The following HTR4 variants were observed in gnomAD, a reference collection of about 807,000 sequenced individuals.
HTR4 encodes 5-hydroxytryptamine (serotonin) receptor 4, G protein-coupled.
Under a neutral mutation model 36.8 loss-of-function variants are expected in HTR4, and 16 were observed. The observed-to-expected ratio is 0.43, with a 90% confidence interval of 0.29 to 0.66. The LOEUF is 0.66. HTR4 is among the 30% of genes least tolerant of loss of function. The pLI is 0.13. For missense variants in HTR4, 438 were observed against 490.9 expected (o/e 0.89, Z 1.02); for synonymous variants, 189 against 185.1 (o/e 1.02, Z -0.17).
chr5:148,595,203 C>A (rs1041436874), intron 2 of HTR4, among the ~76,000 whole-genome samples: 3 of 151,972 alleles, frequency 2.0e-5, no homozygotes, highest in Non-Finnish European at 2.9e-5. Flanking sequence ...GGATATTAGG[C>A]AGTTCTAGAA....
chr5:148,529,139 C>A (rs187493915), intron 4 of HTR4, among the ~76,000 whole-genome samples: 6 of 152,048 alleles, frequency 3.9e-5, no homozygotes, highest in African/African-American at 7.2e-5. Flanking sequence ...CACTCAAGAG[C>A]CAGGACATAA....
At chr5:148,526,668 A>G (rs573207877) in intron 4 of HTR4, among the ~76,000 whole-genome samples, 2 of 152,300 alleles carry the variant, frequency 1.3e-5, no homozygotes, top group East Asian at 3.9e-4. Flanking sequence ...TGTGGTATAT[A>G]TATACATGAT....
In HTR4 at chr5:148,605,853, C is replaced by T. The variant is rs548480624; in HGVS notation, c.26+31136G>A. Among the ~76,000 whole-genome samples the T allele has an allele frequency of 5.1e-4, 77 of 152,208 alleles. 2 individuals are homozygous for T. The South Asian group carries it at 0.016, about 31-fold the overall frequency. ...TTCTTTCTGAATGGCCTGTACAACACTTGGTATATTAACTGCTACCAAGAA... is the reference window on the plus strand; with the variant it reads ...TTCTTTCTGAATGGCCTGTACAACATTTGGTATATTAACTGCTACCAAGAA... On this transcript the variant is annotated intron_variant, in intron 2 of 6. Coordinates refer to ENST00000377888, the MANE Select transcript of HTR4 (RefSeq NM_000870.7).
chr5:148,545,667 C>T (rs1239831714), intron 4 of HTR4, among the ~76,000 whole-genome samples: 1 of 152,216 alleles, frequency 6.6e-6, no homozygotes, highest in East Asian at 1.9e-4. Flanking sequence ...AAAGCCAAGG[C>T]CTCAGGTGGC....
chr5:148,531,882 C>G (rs1326337534), intron 4 of HTR4, among the ~76,000 whole-genome samples: 1 of 152,102 alleles, frequency 6.6e-6, no homozygotes, highest in East Asian at 1.9e-4. Context: ...ACTTTGCTCA[C>G]CAGGGGACAT....
intron 5 of HTR4, among the ~76,000 whole-genome samples, chr5:148,464,692 A>G (rs1161657985): frequency 9.2e-5 from 14 of 152,192 alleles, no homozygotes; most frequent in Admixed American, 9.2e-4. Flanking sequence ...TTACAAAACT[A>G]AACATATTGT....
At chr5:148,554,150 A>T (rs1759824281) in intron 2 of HTR4, among the ~76,000 whole-genome samples, 1 of 152,186 alleles carries the variant, frequency 6.6e-6, no homozygotes, top group Admixed American at 6.5e-5. Flanking sequence ...ATCTTGGCTC[A>T]CTGCAACCTC....
chr5:148,451,076 C>T (rs1207207797), exon 6 of HTR4: 3 of 1,567,788 alleles, frequency 1.9e-6, no homozygotes, highest in South Asian at 1.2e-5. Context: ...TCAGCCCCTA[C>T]TACCTGATGC....
downstream of HTR4, among the ~76,000 whole-genome samples, chr5:148,471,858 A>AT (rs575199007): frequency 3.7e-4 from 56 of 152,284 alleles, 2 homozygotes; most frequent in South Asian, 8.3e-3. Context: ...TCTCAAAAGG[A>AT]TTTTTTATGC....
At chr5:148,487,325 G>T (rs1313113691) in intron 6 of HTR4, among the ~76,000 whole-genome samples, 1 of 152,034 alleles carries the variant, frequency 6.6e-6, no homozygotes, top group African/African-American at 2.4e-5. Context: ...TTATAACAAA[G>T]TTATTAGCAG....
chr5:148,485,518 T>C (rs1756107902), intron 6 of HTR4, among the ~76,000 whole-genome samples: 1 of 152,214 alleles, frequency 6.6e-6, no homozygotes, highest in South Asian at 2.1e-4. Context: ...TTATAAATGT[T>C]CCACCTGTGA....
chr5:148,560,112 C>T (rs1206898079), intron 2 of HTR4, among the ~76,000 whole-genome samples: 1 of 149,078 alleles, frequency 6.7e-6, no homozygotes, highest in Admixed American at 6.7e-5. Context: ...TATGATTTGG[C>T]TTATATTACT....
Position 148,500,085 on chromosome 5 carries a change from T to C in HTR4, c.1076+9371A>G, listed in dbSNP as rs182711115. Among the ~76,000 whole-genome samples, 343 of 152,246 alleles carry C rather than the reference T, an allele frequency of 2.3e-3. 2 individuals are homozygous for C. The highest frequency in any genetic ancestry group is 7.9e-3 in the African/African-American group (329 of 41,548). ...AGTATTCATTTATAGCAACACAAAA[T>C]GGGCCAATACAGGGGGTAAGTGTAT... On this transcript the variant is annotated intron_variant, in intron 6 of 6. Coordinates refer to ENST00000377888, the MANE Select transcript of HTR4 (RefSeq NM_000870.7).
At chr5:148,499,737 GC>G (rs1756848501) in intron 6 of HTR4, among the ~76,000 whole-genome samples, 2 of 152,318 alleles carry the variant, frequency 1.3e-5, no homozygotes, top group South Asian at 4.1e-4. Context: ...TGGAGGTTGG[GC>G]CTAGTGTGAG....
Position 148,453,365 on chromosome 5 carries a change from C to T in HTR4, c.1077-2093G>A, listed in dbSNP as rs76060529. ...AGCTAGTAGTTGCTCCCTGCAGTTG[C>T]TAACTCCATAATACTGCAGAGCATT... On this transcript the variant is annotated intron_variant, in intron 5 of 5. Transcript: ENST00000521530. Among the ~76,000 whole-genome samples the T allele has an allele frequency of 5.6e-3, 850 of 152,338 alleles. 34 individuals carry two copies. The East Asian group carries it at 0.1, about 19-fold the overall frequency.
intron 6 of HTR4, chr5:148,490,809 A>G: frequency 1.2e-6 from 1 of 802,380 alleles, no homozygotes; most frequent in Non-Finnish European, 1.8e-6. Flanking sequence ...CCCTCACATT[A>G]TGCAGAAGAA....
chr5:148,507,553 G>T (rs1191824205), intron 6 of HTR4, among the ~76,000 whole-genome samples: 2 of 147,914 alleles, frequency 1.4e-5, no homozygotes, highest in East Asian at 2.0e-4. Flanking sequence ...AATGGTAATT[G>T]TACTCATACC....
intron 6 of HTR4, among the ~76,000 whole-genome samples, chr5:148,506,660 C>T (rs1481353006): frequency 6.6e-6 from 1 of 152,128 alleles, no homozygotes; most frequent in African/African-American, 2.4e-5. Flanking sequence ...CTACAAAGAA[C>T]TCAAACAAAT....
At chr5:148,588,564 C>T (rs1352133863) in intron 2 of HTR4, among the ~76,000 whole-genome samples, 11 of 130,128 alleles carry the variant, frequency 8.5e-5, no homozygotes, top group Non-Finnish European at 9.3e-5. Flanking sequence ...GATGGAGTCT[C>T]GCTCTGTCGC....
Sources: gnomAD v4.1 joint callset for allele counts (sites outside exome capture counted in the v4.1 genomes callset) on GRCh38, gnomAD v4.1.1 for gene constraint, MANE v1.5 for transcripts, NCBI Gene and HGNC (gene_info 2026-07-23, HGNC 2026-07-21) for gene names.